Variants in HMGA2 observed in about 807,000 individuals in gnomAD.
The protein encoded by HMGA2 is high mobility group protein HMGI-C.
HMGA2 carries 8 observed loss-of-function variants against 19.1 expected under a neutral mutation model. The observed-to-expected ratio is 0.42, with a 90% CI of 0.25 to 0.76. The LOEUF (loss-of-function observed/expected upper bound fraction) is 0.76. Ranked by LOEUF, HMGA2 falls within the 30% of genes least tolerant of loss-of-function variation. The probability of loss-of-function intolerance (pLI) is 0.28; values close to 1 mark genes in which losing one functional copy is unlikely to be tolerated. For missense variants in HMGA2, 109 were observed against 136.3 expected (o/e 0.80, Z 1.00); for synonymous variants, 60 against 48.8 (o/e 1.23, Z -0.96).
At chr12:65,951,323 C>T in intron 3 of HMGA2, 60 bp from the exon 4 acceptor site, 1 of 1,070,234 alleles carries the variant, frequency 9.3e-7, no homozygotes, top group Non-Finnish European at 1.4e-6. Flanking sequence ...ATATGTACAC[C>T]TAATTTTTTC....
intron 3 of HMGA2, among the ~76,000 whole-genome samples, chr12:65,909,740 G>A (rs540901792): frequency 9.2e-5 from 14 of 152,204 alleles, no homozygotes; most frequent in Non-Finnish European, 1.9e-4. Context: ...CACATCCACG[G>A]GCATGAATAT....
chr12:65,890,727 CT>C (rs113634383), intron 3 of HMGA2, among the ~76,000 whole-genome samples: 15,550 of 141,758 alleles, frequency 0.11, 816 homozygotes, highest in Middle Eastern at 0.21. Context: ...TCAGTATATT[CT>C]TTTTTTTTTT....
chr12:65,943,225 G>A (rs962238144), intron 3 of HMGA2, among the ~76,000 whole-genome samples: 2 of 152,088 alleles, frequency 1.3e-5, no homozygotes, highest in African/African-American at 2.4e-5. Context: ...AGTATTCGAT[G>A]AGCCAATGAA....
At chr12:65,923,009 T>C in intron 3 of HMGA2, among the ~76,000 whole-genome samples, 1 of 152,196 alleles carries the variant, frequency 6.6e-6, no homozygotes, top group Non-Finnish European at 1.5e-5. Flanking sequence ...TAAACATTTT[T>C]CTTCCCAGTC....
At position 65,825,000 on chromosome 12, in the gene HMGA2, G is replaced by A. The variant is rs970274543; in HGVS notation, c.-271G>A. 9.8e-6 allele frequency: 4 copies of A among 408,986 alleles called. No homozygotes were observed. Among genetic ancestry groups the A allele is most frequent in the South Asian group, 4.2e-5 (1 of 23,950 alleles). The allele number at this position is 408,986 out of a possible 1,614,324, so 25.3% of individuals were successfully genotyped here. A position where few individuals can be genotyped will look rare whatever the true frequency, so the allele number is the denominator to read the frequency against. ...CACCTCCACCGCCACCTCCACCTCC[G>A]GCACCCACCCACCGCCGCCGCCGCC... On this transcript the variant is annotated 5_prime_UTR_variant, in exon 1 of 5. Coordinates refer to ENST00000403681, the MANE Select transcript of HMGA2 (RefSeq NM_003483.6).
chr12:65,961,160 T>C (rs756058501), intron 4 of HMGA2, among the ~76,000 whole-genome samples: 1 of 152,230 alleles, frequency 6.6e-6, no homozygotes, highest in African/African-American at 2.4e-5. Context: ...ACTTGCTGGC[T>C]TTTATGCCGT....
intron 3 of HMGA2, among the ~76,000 whole-genome samples, chr12:65,926,058 T>C (rs1020059517): frequency 6.6e-6 from 1 of 152,252 alleles, no homozygotes; most frequent in Non-Finnish European, 1.5e-5. Flanking sequence ...ACATAGCCTC[T>C]GTTCTCATAA....
intron 3 of HMGA2, among the ~76,000 whole-genome samples, chr12:65,883,082 G>A (rs1224615916): frequency 6.6e-6 from 1 of 152,152 alleles, no homozygotes; most frequent in Non-Finnish European, 1.5e-5. Flanking sequence ...GTCAATGTGC[G>A]TCTGAACCTT....
At chr12:65,826,776 C>A (rs572309450) in intron 1 of HMGA2, 8 of 134,874 alleles carry the variant, frequency 5.9e-5, no homozygotes, top group Admixed American at 1.4e-4. Flanking sequence ...AATTGCCCCC[C>A]CTCCAAAAAA....
At chr12:65,914,410 G>T (rs371694280) in intron 3 of HMGA2, among the ~76,000 whole-genome samples, 2 of 147,212 alleles carry the variant, frequency 1.4e-5, no homozygotes, top group African/African-American at 5.0e-5. Context: ...ACCAAACACC[G>T]CATATTCTCA....
intron 3 of HMGA2, among the ~76,000 whole-genome samples, chr12:65,944,899 T>C (rs529318194): frequency 3.5e-4 from 53 of 149,544 alleles, no homozygotes; most frequent in Non-Finnish European, 6.2e-4. Flanking sequence ...CTTGCTATGT[T>C]GCCCATATTG....
chr12:65,848,829 GTCCGA>G (rs1871336718), intron 3 of HMGA2, among the ~76,000 whole-genome samples: 3 of 151,978 alleles, frequency 2.0e-5, no homozygotes, highest in South Asian at 2.1e-4. Flanking sequence ...GCAGTCCGCA[GTCCGA>G]CCTGGGCGAC....
Position 65,951,400 on chromosome 12 carries a change from G to A in HMGA2, c.267G>A (p.Gln89=), listed in dbSNP as rs1446904959. 2 of 1,531,124 alleles carry A rather than the reference G, an allele frequency of 1.3e-6. No homozygotes were observed. Among genetic ancestry groups the A allele is most frequent in the South Asian group, 1.2e-5 (1 of 81,130 alleles). The allele number at this position is 1,531,124 out of a possible 1,614,324, so 94.8% of individuals were successfully genotyped here. A position where few individuals can be genotyped will look rare whatever the true frequency, so the allele number is the denominator to read the frequency against. Residue 89 remains glutamine (Q), a synonymous_variant, in exon 4 of 5, where the codon CAG becomes CAA. Transcript: ENST00000403681. ...CTCCTTAGCCACAACAAGTTGTTCAGAAGAAGCCTGCTCAGGTAAGACATA... is the reference window on the plus strand; with the variant it reads ...CTCCTTAGCCACAACAAGTTGTTCAAAAGAAGCCTGCTCAGGTAAGACATA... The part of the protein sequence containing the change: ...RPRKWPQQVV[Q]KKPAQEETEE...
At chr12:65,945,126 G>A (rs576218818) in intron 3 of HMGA2, among the ~76,000 whole-genome samples, 8 of 151,872 alleles carry the variant, frequency 5.3e-5, no homozygotes, top group African/African-American at 1.4e-4. Context: ...GAGATGGATT[G>A]GAGTGGAGGC....
chr12:65,935,361 C>A (rs1450764644), intron 3 of HMGA2, among the ~76,000 whole-genome samples: 1 of 152,198 alleles, frequency 6.6e-6, no homozygotes, highest in Non-Finnish European at 1.5e-5. Context: ...CGAGAATAAT[C>A]TATTAGTCAT....
At chr12:65,879,175 G>A (rs913735464) in intron 3 of HMGA2, among the ~76,000 whole-genome samples, 1 of 152,168 alleles carries the variant, frequency 6.6e-6, no homozygotes, top group Non-Finnish European at 1.5e-5. Flanking sequence ...TCGCCCAGGC[G>A]GGAGTGCAGT....
chr12:65,867,861 T>A (rs981454133), intron 3 of HMGA2: 1 of 166,490 alleles, frequency 6.0e-6, no homozygotes, highest in African/African-American at 2.4e-5. Context: ...ACATTCCTCA[T>A]TGGGCTCTCT....
At chr12:65,871,048 G>GA (rs1040024417) in intron 3 of HMGA2, among the ~76,000 whole-genome samples, 2 of 152,064 alleles carry the variant, frequency 1.3e-5, no homozygotes, top group Non-Finnish European at 2.9e-5. Context: ...ACATGATTTA[G>GA]AAAAAACGTA....
chr12:65,907,085 T>C (rs1874624673), intron 3 of HMGA2, among the ~76,000 whole-genome samples: 1 of 152,080 alleles, frequency 6.6e-6, no homozygotes, highest in Non-Finnish European at 1.5e-5. Flanking sequence ...GAGCCAAGCA[T>C]GTGAACTGTT....
Sources: allele counts gnomAD v4.1 joint callset (sites outside exome capture counted in the v4.1 genomes callset), GRCh38; gene constraint gnomAD v4.1.1; transcripts MANE v1.5; gene names NCBI Gene and HGNC (gene_info 2026-07-23, HGNC 2026-07-21).